Variants in LMBR1 observed in about 807,000 individuals in gnomAD.
The protein encoded by LMBR1 is limb development membrane protein 1.
LMBR1 carries 52 observed loss-of-function variants against 73.9 expected under a neutral mutation model. The observed-to-expected ratio is 0.70, with a 90% CI of 0.56 to 0.89. The LOEUF (loss-of-function observed/expected upper bound fraction) is 0.89. LMBR1 is among the 40% of genes least tolerant of loss of function. The pLI is 0.00. For synonymous variants in LMBR1, 215 were observed against 209.4 expected (o/e 1.03, Z -0.23); for missense variants, 539 against 579.8 (o/e 0.93, Z 0.72).
chr7:156,750,979 G>A (rs545676698), intron 9 of LMBR1, among the ~76,000 whole-genome samples: 2 of 152,198 alleles, frequency 1.3e-5, no homozygotes, highest in African/African-American at 2.4e-5. Flanking sequence ...GTATGGTGGT[G>A]GGCGCCTGTA....
chr7:156,864,921 A>G (rs1404390434), intron 1 of LMBR1, among the ~76,000 whole-genome samples: 1 of 150,560 alleles, frequency 6.6e-6, no homozygotes, highest in African/African-American at 2.4e-5. Context: ...GCTAGAACCT[A>G]GGAAGCAGAG....
At chr7:156,808,372 T>C (rs1002400521) in intron 4 of LMBR1, among the ~76,000 whole-genome samples, 4 of 152,148 alleles carry the variant, frequency 2.6e-5, no homozygotes, top group Admixed American at 1.3e-4. Flanking sequence ...TAATATTCTT[T>C]GCCCTTGTCT....
chr7:156,883,116 C>G (rs1801351838), intron 1 of LMBR1, among the ~76,000 whole-genome samples: 1 of 151,064 alleles, frequency 6.6e-6, no homozygotes, highest in South Asian at 2.1e-4. Context: ...AAAAGAAGGA[C>G]AGGGCCATGC....
intron 1 of LMBR1, among the ~76,000 whole-genome samples, chr7:156,842,964 C>T (rs1838976372): frequency 6.6e-6 from 1 of 152,142 alleles, no homozygotes; most frequent in Non-Finnish European, 1.5e-5. Context: ...AGACTTCTAC[C>T]TTTCACCACT....
chr7:156,833,728 A>G, intron 3 of LMBR1, 25 bp downstream of exon 3: 1 of 1,569,374 alleles, frequency 6.4e-7, no homozygotes, highest in Non-Finnish European at 8.7e-7. Context: ...TCAGAAACAG[A>G]ACAACTGAAC....
chr7:156,812,109 T>A (rs1414170199), intron 4 of LMBR1, among the ~76,000 whole-genome samples: 1 of 152,176 alleles, frequency 6.6e-6, no homozygotes, highest in African/African-American at 2.4e-5. Context: ...AGACTGTTAT[T>A]TCCAAATAAG....
intron 1 of LMBR1, among the ~76,000 whole-genome samples, chr7:156,889,363 T>TTA (rs60881914): frequency 4.6e-4 from 70 of 151,880 alleles, no homozygotes; most frequent in African/African-American, 1.4e-3. Flanking sequence ...AAATTGCATG[T>TTA]TATATATATA....
chr7:156,703,293 G>A (rs1810199651), intron 15 of LMBR1, among the ~76,000 whole-genome samples: 2 of 152,190 alleles, frequency 1.3e-5, no homozygotes, highest in African/African-American at 2.4e-5. Flanking sequence ...GGCTTGAGTA[G>A]GGGAAGAACT....
intron 4 of LMBR1, chr7:156,823,881 G>A (rs1835197760): frequency 6.6e-6 from 1 of 152,284 alleles, no homozygotes; most frequent in African/African-American, 2.4e-5. Context: ...ACAAGGTCAG[G>A]AGATCGAGAC....
chr7:156,795,391 A>G (rs1410590731), intron 5 of LMBR1, among the ~76,000 whole-genome samples: 2 of 152,198 alleles, frequency 1.3e-5, no homozygotes, highest in Non-Finnish European at 2.9e-5. Flanking sequence ...GTCCCCAGCA[A>G]GCTCCTATAA....
At chr7:156,722,575 G>C (rs1387179624) in intron 15 of LMBR1, among the ~76,000 whole-genome samples, 1 of 152,070 alleles carries the variant, frequency 6.6e-6, no homozygotes, top group African/African-American at 2.4e-5. Flanking sequence ...ATGCCACTGG[G>C]CATAACATGT....
rs552103679 is a variant in LMBR1, at chr7:156,833,981, T to C, written c.140-189A>G. Reference sequence around the variant, plus strand: ...TCATTAAATCAAGTAGTATGGTATATAGAGAATGGGATGTTTCAATTAACA... The same window carrying C: ...TCATTAAATCAAGTAGTATGGTATACAGAGAATGGGATGTTTCAATTAACA... On this transcript the variant is annotated intron_variant, in intron 2 of 16. Transcript: ENST00000353442. Among the ~76,000 whole-genome samples, 19 of 152,300 alleles carry C rather than the reference T, an allele frequency of 1.2e-4. No homozygotes were observed. The East Asian group carries it at 1.3e-3, about 11-fold the overall frequency.
chr7:156,747,694 CA>C (rs58320295), intron 9 of LMBR1, among the ~76,000 whole-genome samples: 1,997 of 151,492 alleles, frequency 0.013, 44 homozygotes, highest in African/African-American at 0.046. Flanking sequence ...ACCATATAAC[CA>C]AAAAAAAGTT....
At chr7:156,750,748 A>G (rs181369165) in intron 9 of LMBR1, among the ~76,000 whole-genome samples, 5 of 152,322 alleles carry the variant, frequency 3.3e-5, no homozygotes, top group Admixed American at 3.3e-4. Flanking sequence ...CAGGGTACAG[A>G]GGGAAAGAAA....
rs368074174 is a variant in LMBR1 at position 156,725,820 on chromosome 7, A to C, written c.1011T>G (p.Asn337Lys). The change falls in exon 13 of 17, where the codon AAT becomes AAG. Residue 337 changes from asparagine to lysine, a missense_variant. Coordinates refer to ENST00000353442, the MANE Select transcript of LMBR1 (RefSeq NM_022458.4). ...CAAAACCAAACGTAGAAAGAGAGGC[A>C]TTTCCTATTCCAGGCCCCTGGGGTG... The part of the protein sequence containing the change: ...PKGTRGPGIG[N>K]ASLSTFGFVG... The C allele has an allele frequency of 1.6e-5, 26 of 1,613,558 alleles. No individual in the cohort carries two copies. In the African/African-American group the frequency reaches 3.1e-4, roughly 19 times the overall value.
In LMBR1 at chr7:156,728,631, A is replaced by G. The variant is rs1330399583; in HGVS notation, c.915+13T>C. 1 of 1,572,538 alleles carries G rather than the reference A, an allele frequency of 6.4e-7. No individual in the cohort carries two copies. Among genetic ancestry groups the G allele is most frequent in the Non-Finnish European group, 8.6e-7 (1 of 1,163,154 alleles). Reference sequence around the variant, plus strand: ...TAATTTGCTTTTATTTAACTAGGCAAATAAATTCTTACTGTCTCAATAAGA... The same window carrying G: ...TAATTTGCTTTTATTTAACTAGGCAGATAAATTCTTACTGTCTCAATAAGA... On this transcript the variant is annotated intron_variant, in intron 11 of 16. Coordinates refer to ENST00000353442, the MANE Select transcript of LMBR1 (RefSeq NM_022458.4).
chr7:156,702,923 G>C (rs1227067498), intron 15 of LMBR1, among the ~76,000 whole-genome samples: 1 of 152,296 alleles, frequency 6.6e-6, no homozygotes, highest in Middle Eastern at 3.4e-3. Flanking sequence ...AGGAAAAGTC[G>C]AATTCTGAAA....
At chr7:156,739,329 C>T (rs1563250215) in intron 9 of LMBR1, among the ~76,000 whole-genome samples, 2 of 151,664 alleles carry the variant, frequency 1.3e-5, no homozygotes, top group African/African-American at 4.8e-5. Context: ...ACTCTGCCTC[C>T]CAGACAGCAT....
chr7:156,675,674 C>A, downstream of LMBR1: 12 of 1,494,100 alleles, frequency 8.0e-6, no homozygotes, highest in Non-Finnish European at 1.1e-5. Context: ...TGTGAGCTTA[C>A]CCGCCCCCGC....
Sources: gnomAD v4.1 joint callset for allele counts (sites outside exome capture counted in the v4.1 genomes callset) on GRCh38, gnomAD v4.1.1 for gene constraint, MANE v1.5 for transcripts, NCBI Gene and HGNC (gene_info 2026-07-23, HGNC 2026-07-21) for gene names.